Variants in LINGO2 observed in about 807,000 individuals in gnomAD.
The protein encoded by LINGO2 is leucine-rich repeat and immunoglobulin-like domain-containing nogo receptor-interacting protein 2.
A neutral mutation model predicts 30.6 loss-of-function variants in LINGO2; 14 were observed. The observed-to-expected ratio is 0.46, with a 90% confidence interval of 0.30 to 0.72. The LOEUF (loss-of-function observed/expected upper bound fraction) is 0.72. Ranked by LOEUF, LINGO2 falls within the 30% of genes least tolerant of loss-of-function variation. LINGO2 has a pLI of 0.07. For missense variants in LINGO2, 729 were observed against 751.7 expected, an observed-to-expected ratio of 0.97 and a Z score of 0.35; for synonymous variants, 317 against 288.5, an observed-to-expected ratio of 1.10 and a Z score of -1.00.
intron 2 of LINGO2, among the ~76,000 whole-genome samples, chr9:28,405,233 T>C (rs57932092): frequency 0.035 from 5,322 of 152,216 alleles, 295 homozygotes; most frequent in African/African-American, 0.12. Flanking sequence ...TTTAAGGCAT[T>C]TTATTTCTTA....
At chr9:29,142,042 C>G in the LINGO2 span, among the ~76,000 whole-genome samples, 2 of 151,826 alleles carry the variant, frequency 1.3e-5, no homozygotes, top group African/African-American at 2.4e-5. Flanking sequence ...GAACAACACT[C>G]TAGACCAAAT....
At chr9:28,347,222 G>A (rs77342630) in intron 3 of LINGO2, among the ~76,000 whole-genome samples, 2,047 of 152,182 alleles carry the variant, frequency 0.013, 37 homozygotes, top group African/African-American at 0.047. Context: ...ATTTAATTCA[G>A]CAAAAATTAT....
chr9:29,021,583 G>T, the LINGO2 span, among the ~76,000 whole-genome samples: 1 of 151,996 alleles, frequency 6.6e-6, no homozygotes, highest in Admixed American at 6.6e-5. Context: ...CTTGAACCCA[G>T]AAGGCGGAGG....
At chr9:28,579,209 G>A (rs986878385) in intron 1 of LINGO2, among the ~76,000 whole-genome samples, 8 of 152,042 alleles carry the variant, frequency 5.3e-5, no homozygotes, top group Non-Finnish European at 1.2e-4. Flanking sequence ...ATCATCAATT[G>A]TGAGTTTTCT....
chr9:28,400,184 A>G (rs1822205257), intron 2 of LINGO2, among the ~76,000 whole-genome samples: 1 of 152,136 alleles, frequency 6.6e-6, no homozygotes, highest in South Asian at 2.1e-4. Context: ...CCTTTGCACT[A>G]TAGCCTATTT....
At chr9:28,948,060 T>G in the LINGO2 span, among the ~76,000 whole-genome samples, 1 of 152,096 alleles carries the variant, frequency 6.6e-6, no homozygotes, top group African/African-American at 2.4e-5. Flanking sequence ...TCCAATCCAA[T>G]TTGATGTACC....
intron 4 of LINGO2, among the ~76,000 whole-genome samples, chr9:28,173,991 AT>A (rs1040993173): frequency 3.3e-5 from 5 of 152,192 alleles, no homozygotes; most frequent in Non-Finnish European, 5.9e-5. Context: ...ACTGAAAAAA[AT>A]CTATGTTATA....
the LINGO2 span, among the ~76,000 whole-genome samples, chr9:29,062,667 G>T: frequency 6.6e-6 from 1 of 152,192 alleles, no homozygotes; most frequent in South Asian, 2.1e-4. Context: ...AATGGTAATT[G>T]CAGGGAGTAA....
intron 1 of LINGO2, among the ~76,000 whole-genome samples, chr9:28,608,369 T>G (rs1158244124): frequency 6.6e-6 from 1 of 152,146 alleles, no homozygotes; most frequent in South Asian, 2.1e-4. Context: ...GAGTTTGAAC[T>G]TAAGATTGAA....
chr9:28,363,250 G>A (rs1355365628), intron 3 of LINGO2, among the ~76,000 whole-genome samples: 3 of 152,144 alleles, frequency 2.0e-5, no homozygotes. Context: ...CTTACTCTCA[G>A]ATCAATGATA....
the LINGO2 span, among the ~76,000 whole-genome samples, chr9:29,049,112 C>T: frequency 6.6e-6 from 1 of 152,078 alleles, no homozygotes; most frequent in Admixed American, 6.6e-5. Flanking sequence ...GTTTAAAAAA[C>T]TCCATAGGAA....
chr9:28,307,279 G>T lies in LINGO2; in HGVS notation c.-245-11913C>A, dbSNP rs575992581. Among the ~76,000 whole-genome samples the T allele has an allele frequency of 9.2e-5, 14 of 152,188 alleles. No homozygotes were observed. In the East Asian group the frequency reaches 2.7e-3, roughly 29 times the overall value. On this transcript the variant is annotated intron_variant, in intron 3 of 5. Coordinates refer to ENST00000379992, the Ensembl canonical transcript of LINGO2. ...GGGATGCAAGGCTGGTTCAATATAT[G>T]TAAATCAATAAATGTAATCCAGCAC...
chr9:28,346,491 A>G (rs886560225), intron 3 of LINGO2, among the ~76,000 whole-genome samples: 3 of 152,164 alleles, frequency 2.0e-5, no homozygotes, highest in African/African-American at 4.8e-5. Flanking sequence ...TAGTGCTGCA[A>G]TGAACATACG....
At chr9:28,837,073 A>G in the LINGO2 span, among the ~76,000 whole-genome samples, 1 of 152,198 alleles carries the variant, frequency 6.6e-6, no homozygotes, top group Non-Finnish European at 1.5e-5. Flanking sequence ...ATGATTTTGA[A>G]CTATAAGTTC....
the LINGO2 span, among the ~76,000 whole-genome samples, chr9:29,123,159 C>T: frequency 6.6e-6 from 1 of 151,944 alleles, no homozygotes; most frequent in Non-Finnish European, 1.5e-5. Flanking sequence ...GCAATGTAGA[C>T]TAAATTCATA....
chr9:28,953,754 TGA>T, the LINGO2 span, among the ~76,000 whole-genome samples: 6 of 152,104 alleles, frequency 3.9e-5, no homozygotes, highest in Non-Finnish European at 5.9e-5. Context: ...AATACTTCTT[TGA>T]TAGCATAGCA....
intron 4 of LINGO2, among the ~76,000 whole-genome samples, chr9:28,183,416 A>T (rs2133723068): frequency 6.7e-6 from 1 of 150,350 alleles, no homozygotes; most frequent in East Asian, 1.9e-4. Flanking sequence ...CGTTTCCCAG[A>T]AATTAATTTT....
At chr9:28,075,206 GA>G (rs1405512031) in intron 4 of LINGO2, among the ~76,000 whole-genome samples, 1 of 151,874 alleles carries the variant, frequency 6.6e-6, no homozygotes, top group Non-Finnish European at 1.5e-5. Context: ...TCTGTATAAG[GA>G]GTATCAAAGC....
intron 4 of LINGO2, among the ~76,000 whole-genome samples, chr9:28,262,010 T>C (rs952023937): frequency 6.6e-6 from 1 of 151,986 alleles, no homozygotes; most frequent in Admixed American, 6.6e-5. Flanking sequence ...GTTTGAATTA[T>C]ATATTAAATA....
Sources: gnomAD v4.1 joint callset for allele counts (sites outside exome capture counted in the v4.1 genomes callset) on GRCh38, gnomAD v4.1.1 for gene constraint, MANE v1.5 for transcripts, NCBI Gene and HGNC (gene_info 2026-07-23, HGNC 2026-07-21) for gene names.